The following COL6A2 variants were observed in gnomAD, a reference collection of about 807,000 sequenced individuals.
COL6A2 encodes collagen type VI alpha 2 chain, also known as collagen alpha-2(VI) chain.
A neutral mutation model predicts 124.9 loss-of-function variants in COL6A2; 90 were observed. The observed-to-expected ratio is 0.72, with a 90% CI of 0.61 to 0.86. The LOEUF (loss-of-function observed/expected upper bound fraction) is 0.86, where lower values mean the gene tolerates loss of function less well. COL6A2 is among the 40% of genes least tolerant of loss of function. COL6A2 has a pLI of 0.00. For synonymous variants in COL6A2, 793 were observed against 618.2 expected, an observed-to-expected ratio of 1.28 and a Z score of -4.19; for missense variants, 1,607 against 1,502.5, an observed-to-expected ratio of 1.07 and a Z score of -1.15.
chr21:46,117,317 C>T (rs1457537241), intron 10 of COL6A2, 83 bp from the exon 11 acceptor site: 135 of 1,386,324 alleles, frequency 9.7e-5, no homozygotes, highest in Non-Finnish European at 2.4e-5. Context: ...CGGGGCAGAA[C>T]CGGGTGGGCT....
intron 1 of COL6A2, among the ~76,000 whole-genome samples, chr21:46,102,401 G>T (rs532135992): frequency 7.7e-4 from 117 of 151,878 alleles, no homozygotes; most frequent in African/African-American, 2.7e-3. Context: ...TTGCCCAATT[G>T]CTCTGGCCAG....
At position 46,132,150 on chromosome 21, in the gene COL6A2, C is replaced by A. The variant is rs143168888; in HGVS notation, c.2658C>A (p.Gly886=). 1.3e-6 allele frequency: 2 copies of A among 1,570,152 alleles called. No homozygotes were observed. The highest frequency in any genetic ancestry group is 1.9e-5 in the Admixed American group (1 of 53,372). ...RVALLQFGGP[G]EQQVAFPLSH... ...CGCTGCTGCAGTTTGGTGGCCCCGG[C>A]GAGCAGCAGGTGGCCTTCCCGCTGA... The change falls in exon 28 of 28, where the codon GGC becomes GGA. Residue 886 remains glycine (G), a synonymous_variant. Transcript: ENST00000300527.
intron 1 of COL6A2, among the ~76,000 whole-genome samples, chr21:46,105,153 G>C (rs2123598325): frequency 6.6e-6 from 1 of 152,312 alleles, no homozygotes; most frequent in East Asian, 1.9e-4. Flanking sequence ...CGAGGCAGGA[G>C]GATAACTTGA....
intron 27 of COL6A2, chr21:46,129,524 TC>T (rs2078729999): frequency 6.6e-7 from 1 of 1,515,456 alleles, no homozygotes; most frequent in Non-Finnish European, 8.8e-7. Context: ...GGCTGGGCCC[TC>T]CCTGCCACAC....
At chr21:46,105,911 A>G (rs1419761139) in intron 1 of COL6A2, among the ~76,000 whole-genome samples, 3 of 152,182 alleles carry the variant, frequency 2.0e-5, no homozygotes, top group Non-Finnish European at 2.9e-5. Context: ...AACTCTCCAA[A>G]CTCTCTCTGT....
chr21:46,129,652 C>T (rs370464966), intron 27 of COL6A2: 4 of 1,425,020 alleles, frequency 2.8e-6, no homozygotes, highest in East Asian at 2.5e-5. Context: ...CAGCCTCTTC[C>T]CATGCTGGTG....
Position 46,126,533 on chromosome 21 carries a change from G to A in COL6A2, c.2453G>A (p.Cys818Tyr). 6.2e-7 allele frequency: 1 copy of A among 1,613,476 alleles called. No homozygotes were observed. Among genetic ancestry groups the A allele is most frequent in the Non-Finnish European group, 8.5e-7 (1 of 1,179,872 alleles). Residue 818 changes from cysteine (C) to tyrosine (Y), a missense_variant, in exon 27 of 28, where the codon TGC becomes TAC. Cys to Tyr is a radical substitution (Grantham distance 194, BLOSUM62 -2). Around this residue, in one of 3 missense-constraint regions of COL6A2, gnomAD observed 1,223 missense variants for 1,052.2 expected, o/e 1.16. Coordinates refer to ENST00000300527, the MANE Select transcript of COL6A2 (RefSeq NM_001849.4). ...CAGATCGTGTGCCCAGACCTTCCCTGCCAAACAGGTAATGCAGGGCACCCT... is the reference window on the plus strand; with the variant it reads ...CAGATCGTGTGCCCAGACCTTCCCTACCAAACAGGTAATGCAGGGCACCCT... ...DPQIVCPDLP[C>Y]QTELSVAQCT...
At chr21:46,128,951 T>C in intron 27 of COL6A2, 1 of 1,611,080 alleles carries the variant, frequency 6.2e-7, no homozygotes, top group Non-Finnish European at 8.5e-7. Context: ...GGGTCCGTGG[T>C]GTCCCCCAAA....
At chr21:46,104,014 A>G (rs1025360542) in intron 1 of COL6A2, among the ~76,000 whole-genome samples, 1 of 152,264 alleles carries the variant, frequency 6.6e-6, no homozygotes, top group Non-Finnish European at 1.5e-5. Context: ...CGGGCTTAGA[A>G]AAGACCTAAG....
At position 46,116,938 on chromosome 21, in the gene COL6A2, C is replaced by CACAG; in HGVS notation, c.999+127_999+128insGACA. 1 of 809,568 alleles carries CACAG rather than the reference C, an allele frequency of 1.2e-6. No homozygotes were observed. The highest frequency in any genetic ancestry group is 2.7e-5 in the East Asian group (1 of 37,354). 50.1% of individuals were successfully genotyped at this position (809,568 alleles called of 1,614,324 possible). A position where few individuals can be genotyped will look rare whatever the true frequency, so the allele number is the denominator to read the frequency against. ...GTGTACACACGCATACACACACACA[C>CACAG]ACACACACACACACACACGAACTTC... On this transcript the variant is annotated intron_variant, in intron 10 of 27. Transcript: ENST00000300527. The surrounding 1 kb of genome is among the most constrained non-coding windows in gnomAD (Gnocchi z 4.6).
Position 46,120,950 on chromosome 21 carries a change from G to A in COL6A2, c.1396-111G>A, listed in dbSNP as rs939345650. 7.2e-5 allele frequency: 75 copies of A among 1,044,102 alleles called. No individual in the cohort carries two copies. The African/African-American group carries it at 1.0e-3, about 14-fold the overall frequency. The allele number at this position is 1,044,102 out of a possible 1,614,324, so 64.7% of individuals were successfully genotyped here. ...TCCGGGGAGGGTCATAGGGGCCGGGGCCAGACCCGTCTTACCCCCGAGGCC... is the reference window on the plus strand; with the variant it reads ...TCCGGGGAGGGTCATAGGGGCCGGGACCAGACCCGTCTTACCCCCGAGGCC... On this transcript the variant is annotated intron_variant, in intron 16 of 27. Coordinates refer to ENST00000300527, the MANE Select transcript of COL6A2 (RefSeq NM_001849.4).
chr21:46,129,645 C>T, intron 27 of COL6A2: 4 of 1,425,668 alleles, frequency 2.8e-6, no homozygotes, highest in Non-Finnish European at 1.8e-6. Flanking sequence ...CAGCTCCCAG[C>T]CTCTTCCCAT....
rs147300758 is a variant in COL6A2, at chr21:46,107,352, T to G, written c.-27-4098T>G. Reference sequence around the variant, plus strand: ...TCAGATGGTTTTATCTAACCCTATATGCTGTGACTTACTTTCCATCTGACT... The same window carrying G: ...TCAGATGGTTTTATCTAACCCTATAGGCTGTGACTTACTTTCCATCTGACT... On this transcript the variant is annotated intron_variant, in intron 1 of 27. Coordinates refer to ENST00000300527, the MANE Select transcript of COL6A2 (RefSeq NM_001849.4). Among the ~76,000 whole-genome samples the G allele has an allele frequency of 1.9e-3, 283 of 152,272 alleles. 1 individual carries two copies. The highest frequency in any genetic ancestry group is 6.6e-3 in the African/African-American group (274 of 41,550).
chr21:46,113,598 GT>G (rs968712742), intron 4 of COL6A2: 14 of 251,520 alleles, frequency 5.6e-5, no homozygotes, highest in Non-Finnish European at 1.0e-4. Context: ...CTTTCGTATT[GT>G]TTTTTTGTAG....
rs969777561 is a variant in COL6A2 at position 46,132,791 on chromosome 21, A to C, written c.*239A>C. 3.4e-6 allele frequency: 2 copies of C among 583,368 alleles called. No homozygotes were observed. The highest frequency in any genetic ancestry group is 6.1e-6 in the Non-Finnish European group (2 of 326,192). The allele number at this position is 583,368 out of a possible 1,614,324, so 36.1% of individuals were successfully genotyped here. A position where few individuals can be genotyped will look rare whatever the true frequency, so the allele number is the denominator to read the frequency against. On this transcript the variant is annotated 3_prime_UTR_variant, in exon 28 of 28. Transcript: ENST00000300527. ...CCCTGCAGCCATCCCAAGGCTCCTG[A>C]CCTACCTGGCCCCTGAGCTCTGGAG...
Position 46,126,175 on chromosome 21 carries a change from C to T in COL6A2, c.2360C>T (p.Thr787Met), listed in dbSNP as rs769644955. The change falls in exon 26 of 28, where the codon ACG (threonine) becomes ATG (methionine). Residue 787 changes from threonine (T) to methionine (M), a missense_variant. By Grantham distance (81) the Thr-to-Met change is moderately conservative (BLOSUM62 -1). Coordinates refer to ENST00000300527, the MANE Select transcript of COL6A2 (RefSeq NM_001849.4). ...CDKPQQVRNMTLFSDLVAEKF... is the reference protein window; with the variant it reads ...CDKPQQVRNMMLFSDLVAEKF... ...AAGCCACAGCAGGTGCGCAACATGACGCTGTTCTCCGACCTGGTCGCTGAG... is the reference window on the plus strand; with the variant it reads ...AAGCCACAGCAGGTGCGCAACATGATGCTGTTCTCCGACCTGGTCGCTGAG... The T allele has an allele frequency of 1.6e-5, 26 of 1,607,418 alleles. No homozygotes were observed. Among genetic ancestry groups the T allele is most frequent in the East Asian group, 4.5e-5 (2 of 44,888 alleles).
intron 22 of COL6A2, 81 bp from the exon 23 acceptor site, chr21:46,124,804 G>T: frequency 6.3e-7 from 1 of 1,592,348 alleles, no homozygotes; most frequent in Non-Finnish European, 8.6e-7. Flanking sequence ...GTGGACCCAC[G>T]TATCAGTGGG....
chr21:46,125,572 G>A lies in COL6A2; in HGVS notation c.1924G>A (p.Val642Ile). 1.9e-6 allele frequency: 3 copies of A among 1,612,798 alleles called. No homozygotes were observed. Among genetic ancestry groups the A allele is most frequent in the Non-Finnish European group, 2.5e-6 (3 of 1,179,938 alleles). ...GGAGAAGAACTTCGTCATCAACGTGGTCAACAGGCTGGGTGCCATCGCTAA... is the reference window on the plus strand; with the variant it reads ...GGAGAAGAACTTCGTCATCAACGTGATCAACAGGCTGGGTGCCATCGCTAA... ...TLEKNFVINV[V>I]NRLGAIAKDP... The change falls in exon 25 of 28, where the codon GTC (valine) becomes ATC (isoleucine). Residue 642 changes from valine to isoleucine, a missense_variant. Physicochemically the swap from Val to Ile is conservative, Grantham distance 29. Around this residue, in one of 3 missense-constraint regions of COL6A2, gnomAD observed 1,223 missense variants for 1,052.2 expected, o/e 1.16. Transcript: ENST00000300527.
Position 46,116,922 on chromosome 21 carries a change from C to A in COL6A2, c.999+108C>A. The stretch of plus-strand genomic sequence containing the variant: ...CTGTCAGCTTACACATGTGTACACA[C>A]GCATACACACACACACACACACACA... On this transcript the variant is annotated intron_variant, in intron 10 of 27. Coordinates refer to ENST00000300527, the MANE Select transcript of COL6A2 (RefSeq NM_001849.4). This position sits in a 1 kb window ranked among gnomAD's most constrained non-coding sequence, Gnocchi z 4.6. The A allele has an allele frequency of 1.2e-6, 1 of 845,756 alleles. No homozygotes were observed. The highest frequency in any genetic ancestry group is 1.9e-6 in the Non-Finnish European group (1 of 540,264). The allele number at this position is 845,756 out of a possible 1,614,324, so 52.4% of individuals were successfully genotyped here. A position where few individuals can be genotyped will look rare whatever the true frequency, so the allele number is the denominator to read the frequency against.
Sources: allele counts gnomAD v4.1 joint callset (sites outside exome capture counted in the v4.1 genomes callset), GRCh38; gene constraint gnomAD v4.1.1; regional missense constraint gnomAD v4.1.1; non-coding constraint Gnocchi (gnomAD v3.1); transcripts MANE v1.5; gene names NCBI Gene and HGNC (gene_info 2026-07-23, HGNC 2026-07-21).